PRAG1: variants seen among roughly 807,000 people sequenced by gnomAD.
PRAG1 encodes inactive tyrosine-protein kinase PRAG1.
PRAG1 carries 110 observed loss-of-function variants against 95.6 expected under a neutral mutation model. The ratio of observed to expected loss-of-function variants is 1.15; its 90% confidence interval spans 0.99 to 1.35. The LOEUF is 1.35. PRAG1 is among the 40% of genes most tolerant of loss of function. The probability of loss-of-function intolerance (pLI) is 0.00; values close to 1 mark genes in which losing one functional copy is unlikely to be tolerated. For missense variants in PRAG1, 2,554 were observed against 1,864.7 expected, an observed-to-expected ratio of 1.37 and a Z score of -6.81; for synonymous variants, 1,052 against 819.4, an observed-to-expected ratio of 1.28 and a Z score of -4.85.
intron 1 of PRAG1, among the ~76,000 whole-genome samples, chr8:8,382,069 T>G (rs913854978): frequency 6.6e-6 from 1 of 151,660 alleles, no homozygotes; most frequent in African/African-American, 2.4e-5. Context: ...TTTAAAGGAG[T>G]AAATAAAAGA....
intron 3 of PRAG1, among the ~76,000 whole-genome samples, chr8:8,366,679 A>C (rs1430231691): frequency 1.5e-5 from 2 of 135,790 alleles, no homozygotes; most frequent in African/African-American, 2.6e-5. Flanking sequence ...TTTGCACTTT[A>C]TTTTTATCTT....
chr8:8,320,410 T>C (rs1238579803), intron 5 of PRAG1, among the ~76,000 whole-genome samples: 1 of 152,188 alleles, frequency 6.6e-6, no homozygotes, highest in Non-Finnish European at 1.5e-5. Context: ...CCTCCATTTC[T>C]TCTTGTACAA....
At chr8:8,364,117 C>T (rs1430352694) in intron 3 of PRAG1, among the ~76,000 whole-genome samples, 1 of 152,174 alleles carries the variant, frequency 6.6e-6, no homozygotes, top group African/African-American at 2.4e-5. Context: ...GTTGTGGGGA[C>T]AAGATGTAGT....
At position 8,339,519 on chromosome 8, in the gene PRAG1, G is replaced by A. The variant is rs376983411; in HGVS notation, c.2279C>T (p.Thr760Met). The A allele has an allele frequency of 1.2e-5, 20 of 1,614,068 alleles. No individual in the cohort carries two copies. The highest frequency in any genetic ancestry group is 4.5e-5 in the East Asian group (2 of 44,890). ...CCTAGAGTCTGAGGCCAGGCTGTCC[G>A]TGGAGCCGGTGGTGAAGCTGACGTG... Reference protein sequence around the residue: ...GVHVSFTTGSTDSLASDSRTC... With the variant: ...GVHVSFTTGSMDSLASDSRTC... The change falls in exon 4 of 6, where the codon ACG becomes ATG. Residue 760 changes from threonine to methionine, a missense_variant. Physicochemically the swap from Thr to Met is moderately conservative, Grantham distance 81. Transcript: ENST00000615670.
In PRAG1 at chr8:8,381,662, G is replaced by A; in HGVS notation, c.86C>T (p.Ser29Phe). Residue 29 changes from serine (S) to phenylalanine (F), a missense_variant, in exon 2 of 6, where the codon TCC (serine) becomes TTC (phenylalanine). Transcript: ENST00000615670. ...DFVEHIWKPG[S>F]CKNCFCLRSD... ...CCGCAGGCAGAAGCAGTTCTTGCAGGACCCGGGTTTCCAGATGTGCTCCAC... is the reference window on the plus strand; with the variant it reads ...CCGCAGGCAGAAGCAGTTCTTGCAGAACCCGGGTTTCCAGATGTGCTCCAC... The A allele has an allele frequency of 6.2e-7, 1 of 1,613,818 alleles. No individual in the cohort carries two copies. The highest frequency in any genetic ancestry group is 8.5e-7 in the Non-Finnish European group (1 of 1,179,802).
chr8:8,363,121 T>C (rs1174875663), intron 3 of PRAG1, among the ~76,000 whole-genome samples: 1 of 149,462 alleles, frequency 6.7e-6, no homozygotes, highest in Non-Finnish European at 1.5e-5. Context: ...ATATATAATA[T>C]ACTTATCCTT....
intron 3 of PRAG1, among the ~76,000 whole-genome samples, chr8:8,350,145 T>G (rs1230435146): frequency 6.6e-6 from 1 of 152,158 alleles, no homozygotes; most frequent in Non-Finnish European, 1.5e-5. Flanking sequence ...GAAAAGCAAG[T>G]CTTTTATTTG....
intron 3 of PRAG1, among the ~76,000 whole-genome samples, chr8:8,342,335 G>A (rs997728500): frequency 6.6e-6 from 1 of 151,214 alleles, no homozygotes; most frequent in Non-Finnish European, 1.5e-5. Context: ...TGGGACTACA[G>A]GAGGCGCCCA....
rs757511694 is a variant in PRAG1 at position 8,318,694 on chromosome 8, G to A, written c.3681C>T (p.Thr1227=). ...GGCTCTTCTTCTGCTGCAGGTTTGG[G>A]GTGCCGCCCGGCTTCTGCTTGGCCT... ...FLKAKQKPGG[T]PNLQQKKSQA... Residue 1227 remains threonine (T), a synonymous_variant, in exon 6 of 6, where the codon ACC becomes ACT. Transcript: ENST00000615670. This position sits in a 1 kb window ranked among gnomAD's most constrained non-coding sequence, Gnocchi z 4.2. 1 of 1,610,856 alleles carries A rather than the reference G, an allele frequency of 6.2e-7. No individual in the cohort carries two copies. The highest frequency in any genetic ancestry group is 2.2e-5 in the East Asian group (1 of 44,814).
At chr8:8,321,456 G>T (rs1798469920) in intron 5 of PRAG1, among the ~76,000 whole-genome samples, 4 of 152,178 alleles carry the variant, frequency 2.6e-5, no homozygotes, top group Admixed American at 1.3e-4. Context: ...AATGGTGGTG[G>T]GGGAAGTCCT....
In PRAG1 at chr8:8,318,750, G is replaced by T; in HGVS notation, c.3625C>A (p.Leu1209Met). 6.3e-7 allele frequency: 1 copy of T among 1,597,808 alleles called. No homozygotes were observed. The highest frequency in any genetic ancestry group is 8.5e-7 in the Non-Finnish European group (1 of 1,172,078). ...ASPEGPREKQ[L>M]PRLIISNFLK... ...AAGTTGCTGATGATGAGCCGGGGCA[G>T]CTGCTTCTCCCGGGGCCCTTCCGGG... The change falls in exon 6 of 6, where the codon CTG becomes ATG. Residue 1209 changes from leucine (L) to methionine (M), a missense_variant. Coordinates refer to ENST00000615670, the MANE Select transcript of PRAG1 (RefSeq NM_001080826.3). The surrounding 1 kb of genome is among the most constrained non-coding windows in gnomAD (Gnocchi z 4.2).
chr8:8,374,255 G>A (rs1235089561), intron 3 of PRAG1, among the ~76,000 whole-genome samples: 1 of 152,246 alleles, frequency 6.6e-6, no homozygotes, highest in Non-Finnish European at 1.5e-5. Context: ...TGGAGACTCA[G>A]TCACAGTGAG....
intron 5 of PRAG1, among the ~76,000 whole-genome samples, chr8:8,323,915 G>A (rs1167044139): frequency 2.0e-5 from 3 of 152,186 alleles, no homozygotes; most frequent in Non-Finnish European, 4.4e-5. Context: ...ATTTGAGCGG[G>A]TAGATGATTT....
In PRAG1 at chr8:8,318,956, C is replaced by A; in HGVS notation, c.3419G>T (p.Gly1140Val). 6.2e-7 allele frequency: 1 copy of A among 1,613,014 alleles called. No homozygotes were observed. The highest frequency in any genetic ancestry group is 8.5e-7 in the Non-Finnish European group (1 of 1,179,670). Reference sequence around the variant, plus strand: ...CAGGCACAGGTCCCGGTGGATGATCCCGTGCTCCTTCAGGTGCTCCAGCCC... The same window carrying A: ...CAGGCACAGGTCCCGGTGGATGATCACGTGCTCCTTCAGGTGCTCCAGCCC... ...CNGLEHLKEH[G>V]IIHRDLCLEN... is the part of the protein sequence containing the mutation. The change falls in exon 6 of 6, where the codon GGG (glycine) becomes GTG (valine). Residue 1140 changes from glycine to valine, a missense_variant. Coordinates refer to ENST00000615670, the MANE Select transcript of PRAG1 (RefSeq NM_001080826.3). This position sits in a 1 kb window ranked among gnomAD's most constrained non-coding sequence, Gnocchi z 4.2.
chr8:8,320,254 C>T (rs1402089097), intron 5 of PRAG1, among the ~76,000 whole-genome samples: 2 of 152,172 alleles, frequency 1.3e-5, no homozygotes, highest in African/African-American at 2.4e-5. Flanking sequence ...CCAGAAAGCT[C>T]TCCAAGGAAG....
chr8:8,343,255 G>A (rs1799228861), intron 3 of PRAG1, among the ~76,000 whole-genome samples: 1 of 152,070 alleles, frequency 6.6e-6, no homozygotes, highest in Non-Finnish European at 1.5e-5. Context: ...AGGGAAATAG[G>A]AACTCTCTCA....
At chr8:8,324,106 G>A (rs905803688) in intron 5 of PRAG1, among the ~76,000 whole-genome samples, 2 of 152,220 alleles carry the variant, frequency 1.3e-5, no homozygotes, top group African/African-American at 2.4e-5. Context: ...CAATGGGGAA[G>A]GTTGCTATGG....
chr8:8,328,437 G>A lies in PRAG1; in HGVS notation c.2345C>T (p.Ser782Leu), dbSNP rs754620559. The change falls in exon 5 of 6, where the codon TCG (serine) becomes TTG (leucine). Residue 782 changes from serine (S) to leucine (L), a missense_variant. Coordinates refer to ENST00000615670, the MANE Select transcript of PRAG1 (RefSeq NM_001080826.3). ...GAGCTTCTTCCCGCTGTTGGTGGGC[G>A]AGTGAGCCAGCTCAGACGAGGGACC... ...DGGPSSELAHSPTNSGKKLFA... is the reference protein window; with the variant it reads ...DGGPSSELAHLPTNSGKKLFA... 1.7e-5 allele frequency: 27 copies of A among 1,613,488 alleles called. No homozygotes were observed. The highest frequency in any genetic ancestry group is 2.2e-5 in the East Asian group (1 of 44,894).
rs1040215061 is a variant in PRAG1, at chr8:8,323,765, T to C, written c.3072+3945A>G. 8.5e-5 allele frequency among the ~76,000 whole-genome samples: 13 copies of C among 152,280 alleles called. 2 individuals are homozygous for C. The East Asian group carries it at 1.9e-3, about 23-fold the overall frequency. The stretch of plus-strand genomic sequence containing the variant: ...GTGAGTCAATTAAATCTCTTTCCCT[T>C]GTAAATTACCCAGTCTCAGGTATGT... On this transcript the variant is annotated intron_variant, in intron 5 of 5. Transcript: ENST00000615670.
Sources: gnomAD v4.1 joint callset for allele counts (sites outside exome capture counted in the v4.1 genomes callset) on GRCh38, gnomAD v4.1.1 for gene constraint, Gnocchi (gnomAD v3.1) non-coding constraint, MANE v1.5 for transcripts, NCBI Gene and HGNC (gene_info 2026-07-23, HGNC 2026-07-21) for gene names.